The following LRP2 variants were observed in gnomAD, a reference collection of about 807,000 sequenced individuals.
The protein encoded by LRP2 is LDL receptor related protein 2.
LRP2 carries 172 observed loss-of-function variants against 531.0 expected under a neutral mutation model. That is an observed-to-expected ratio of 0.32 (90% CI 0.29 to 0.37). The LOEUF is 0.37. Among genes scored for constraint, LRP2 ranks in the 10% least tolerant of loss-of-function variants. The pLI is 1.00. For synonymous variants in LRP2, 1,992 were observed against 2,027.6 expected, an observed-to-expected ratio of 0.98 and a Z score of 0.47; for missense variants, 5,167 against 5,868.3, an observed-to-expected ratio of 0.88 and a Z score of 3.90.
intron 34 of LRP2, among the ~76,000 whole-genome samples, chr2:169,217,413 C>T (rs988297111): frequency 2.0e-5 from 3 of 152,114 alleles, no homozygotes; most frequent in African/African-American, 7.2e-5. Flanking sequence ...TTCTTCCTTG[C>T]TTTAACTTTT....
rs1319498440 is a variant in LRP2 at position 169,209,467 on chromosome 2, A to G, written c.6455T>C (p.Val2152Ala). 5.0e-6 allele frequency: 8 copies of G among 1,613,890 alleles called. No homozygotes were observed. The African/African-American group carries it at 1.1e-4, about 22-fold the overall frequency. The change falls in exon 38 of 79, where the codon GTG becomes GCG. Residue 2152 changes from valine to alanine, a missense_variant. Coordinates refer to ENST00000649046, the MANE Select transcript of LRP2 (RefSeq NM_004525.3). Reference sequence around the variant, plus strand: ...AGCTTACATACCTGCTACCCAATCCACTGCAATACCCCGGACTCCATTTTC... The same window carrying G: ...AGCTTACATACCTGCTACCCAATCCGCTGCAATACCCCGGACTCCATTTTC... Reference protein sequence around the residue: ...IGENGVRGIAVDWVAGNLYFT... With the variant: ...IGENGVRGIAADWVAGNLYFT...
intron 3 of LRP2, among the ~76,000 whole-genome samples, chr2:169,317,276 T>C (rs566277043): frequency 1.3e-5 from 2 of 152,238 alleles, no homozygotes; most frequent in South Asian, 4.1e-4. Context: ...AATCGCAAAA[T>C]AAAGCTCAGC....
intron 4 of LRP2, among the ~76,000 whole-genome samples, chr2:169,301,828 G>A (rs1684292322): frequency 6.6e-6 from 1 of 152,034 alleles, no homozygotes; most frequent in Admixed American, 6.6e-5. Flanking sequence ...TCAGTGTCTT[G>A]ATTTTAGAAG....
intron 1 of LRP2, among the ~76,000 whole-genome samples, chr2:169,330,403 A>G (rs1311837537): frequency 6.6e-6 from 1 of 152,042 alleles, no homozygotes; most frequent in Non-Finnish European, 1.5e-5. Context: ...AGAGATTTAA[A>G]CTGAGCCATT....
chr2:169,213,843 C>T lies in LRP2; in HGVS notation c.5854G>A (p.Asp1952Asn). ...AGCTGGTGTACCAGGATCATTCGAT[C>T]TGTTCCATCCACGTTTCCTCTTTCA... The part of the protein sequence containing the change: ...VIERGNVDGT[D>N]RMILVHQLSH... Residue 1952 changes from aspartate to asparagine, a missense_variant, in exon 36 of 79, where the codon GAT becomes AAT. Physicochemically the swap from Asp to Asn is conservative, Grantham distance 23. Transcript: ENST00000649046. The T allele has an allele frequency of 6.2e-7, 1 of 1,613,616 alleles. No individual in the cohort carries two copies. Among genetic ancestry groups the T allele is most frequent in the Non-Finnish European group, 8.5e-7 (1 of 1,179,624 alleles).
rs759311207 is a variant in LRP2 at position 169,142,784 on chromosome 2, A to G, written c.12998T>C (p.Leu4333Pro). The G allele has an allele frequency of 1.9e-6, 3 of 1,613,998 alleles. No homozygotes were observed. In the South Asian group the frequency reaches 3.3e-5, roughly 18 times the overall value. The change falls in exon 71 of 79, where the codon CTT becomes CCT. Residue 4333 changes from leucine (L) to proline (P), a missense_variant. Leu to Pro is a moderately conservative substitution (Grantham distance 98). Coordinates refer to ENST00000649046, the MANE Select transcript of LRP2 (RefSeq NM_004525.3). ...GAGGTGGCTGCAGATCTGTTTGCAA[A>G]GGTTGGGCACTGGAAAGCGGGTGAG... ...QLRYNKSVPNLCKQICSHLCL... is the reference protein window; with the variant it reads ...QLRYNKSVPNPCKQICSHLCL...
intron 4 of LRP2, among the ~76,000 whole-genome samples, chr2:169,301,534 A>ATC (rs1376151466): frequency 6.6e-6 from 1 of 152,142 alleles, no homozygotes; most frequent in South Asian, 2.1e-4. Flanking sequence ...ATATATATAT[A>ATC]TTCAAAAATT....
chr2:169,331,203 G>A (rs917955323), intron 1 of LRP2, among the ~76,000 whole-genome samples: 6 of 152,184 alleles, frequency 3.9e-5, no homozygotes, highest in Admixed American at 2.0e-4. Context: ...GCACCTCTGC[G>A]TTGTGGTGCA....
intron 49 of LRP2, among the ~76,000 whole-genome samples, chr2:169,186,787 G>T (rs1687649791): frequency 6.6e-6 from 1 of 152,180 alleles, no homozygotes; most frequent in South Asian, 2.1e-4. Flanking sequence ...GAGACCTACT[G>T]AGATCACTTC....
intron 73 of LRP2, 80 bp from the exon 74 acceptor site, chr2:169,139,451 C>T (rs1685642643): frequency 1.2e-6 from 2 of 1,613,072 alleles, no homozygotes; most frequent in Non-Finnish European, 1.7e-6. Flanking sequence ...AGAACCACTC[C>T]TTCAAAGACT....
At chr2:169,209,936 A>C (rs1324869938) in intron 37 of LRP2, among the ~76,000 whole-genome samples, 5 of 152,174 alleles carry the variant, frequency 3.3e-5, no homozygotes, top group African/African-American at 1.2e-4. Context: ...ATACACAGAA[A>C]TATACAGGTC....
chr2:169,347,553 G>T (rs1215179869), intron 1 of LRP2, among the ~76,000 whole-genome samples: 4 of 151,656 alleles, frequency 2.6e-5, no homozygotes, highest in Non-Finnish European at 5.9e-5. Flanking sequence ...ATTAGGTAAG[G>T]GTCCTTTGAA....
intron 9 of LRP2, among the ~76,000 whole-genome samples, chr2:169,285,621 C>T (rs948938752): frequency 1.3e-5 from 2 of 152,052 alleles, no homozygotes; most frequent in South Asian, 2.1e-4. Context: ...TAACTGAGCC[C>T]CCCTTGGCCA....
intron 1 of LRP2, among the ~76,000 whole-genome samples, chr2:169,332,122 A>T (rs1418772865): frequency 6.6e-6 from 1 of 152,248 alleles, no homozygotes; most frequent in Non-Finnish European, 1.5e-5. Flanking sequence ...ATCAGATGAG[A>T]TCACCAGGTT....
intron 59 of LRP2, 39 bp from the exon 60 acceptor site, chr2:169,169,857 A>C: frequency 1.5e-6 from 2 of 1,361,472 alleles, no homozygotes; most frequent in Non-Finnish European, 2.1e-6. Flanking sequence ...AGGCCTTGTC[A>C]TTTTCAGACA....
chr2:169,188,585 T>C (rs1687719391), intron 48 of LRP2, among the ~76,000 whole-genome samples: 2 of 152,186 alleles, frequency 1.3e-5, no homozygotes, highest in African/African-American at 4.8e-5. Context: ...AATAATTGCA[T>C]TCATTTTTTC....
chr2:169,172,652 A>G (rs910522736), intron 57 of LRP2, among the ~76,000 whole-genome samples: 10 of 152,246 alleles, frequency 6.6e-5, no homozygotes, highest in Non-Finnish European at 1.3e-4. Context: ...AACAGGGAAA[A>G]TCAGAGAGAC....
chr2:169,198,156 G>C (rs1688067863), intron 45 of LRP2, among the ~76,000 whole-genome samples: 1 of 152,186 alleles, frequency 6.6e-6, no homozygotes, highest in Non-Finnish European at 1.5e-5. Context: ...GCTCATACTT[G>C]TAATCCCAGC....
chr2:169,179,824 G>GTGGCCGGGCGCGGTGGCTCATGC (rs1687360892), intron 52 of LRP2, among the ~76,000 whole-genome samples: 1 of 151,546 alleles, frequency 6.6e-6, no homozygotes, highest in African/African-American at 2.4e-5. Flanking sequence ...AAAATCTATT[G>GTGGCCGGGCGCGGTGGCTCATGC]CTTTATGCAT....
Sources: allele counts gnomAD v4.1 joint callset (sites outside exome capture counted in the v4.1 genomes callset), GRCh38; gene constraint gnomAD v4.1.1; transcripts MANE v1.5; gene names NCBI Gene and HGNC (gene_info 2026-07-23, HGNC 2026-07-21).